CDK11A: variants seen among roughly 807,000 people sequenced by gnomAD.
CDK11A encodes cyclin-dependent kinase 11A.
CDK11A carries 55 observed loss-of-function variants against 83.6 expected under a neutral mutation model. That is an observed-to-expected ratio of 0.66 (90% CI 0.53 to 0.82). The LOEUF is 0.82. Among genes scored for constraint, CDK11A ranks in the 40% least tolerant of loss-of-function variants. CDK11A has a pLI of 0.00. For missense variants in CDK11A, 564 were observed against 810.1 expected, an observed-to-expected ratio of 0.70 and a Z score of 3.69; for synonymous variants, 247 against 302.7, an observed-to-expected ratio of 0.82 and a Z score of 1.91.
In CDK11A at chr1:1,716,919, CTTT is replaced by C. The variant is rs758439009; in HGVS notation, c.356-444_356-442del. On this transcript the variant is annotated intron_variant, in intron 4 of 19. Transcript: ENST00000404249. Reference sequence around the variant, plus strand: ...AATAATGATGTTAAGTAATCCTAATCTTTTTTTTTTTTTTTTTGAAGAGACAGG... The same window carrying C: ...AATAATGATGTTAAGTAATCCTAATCTTTTTTTTTTTTTTGAAGAGACAGG... Among the ~76,000 whole-genome samples the C allele has an allele frequency of 6.8e-3, 804 of 117,680 alleles. 45 individuals are homozygous for C. The highest frequency in any genetic ancestry group is 0.023 in the Middle Eastern group (5 of 214). The allele number at this position is 117,680 out of a possible 152,430, so 77.2% of individuals were successfully genotyped here.
Position 1,719,090 on chromosome 1 carries a change from G to T in CDK11A, c.355+238C>A, listed in dbSNP as rs78493985. The T allele has an allele frequency of 1.3e-4, 35 of 273,652 alleles. 2 individuals carry two copies. Among genetic ancestry groups the T allele is most frequent in the Non-Finnish European group, 2.3e-4 (34 of 145,780 alleles). 17.0% of individuals were successfully genotyped at this position (273,652 alleles called of 1,614,324 possible). On this transcript the variant is annotated intron_variant, in intron 4 of 19. Transcript: ENST00000404249. ...CTCTCTCTGGTTTTCGGTCTGTGACGCACACATGCTTTCAGCTAGAGTTTG... is the reference window on the plus strand; with the variant it reads ...CTCTCTCTGGTTTTCGGTCTGTGACTCACACATGCTTTCAGCTAGAGTTTG...
chr1:1,707,392 C>A lies in CDK11A; in HGVS notation c.1245+17G>T. On this transcript the variant is annotated intron_variant, in intron 11 of 19. Coordinates refer to ENST00000404249, the MANE Select transcript of CDK11A (RefSeq NM_024011.4). Reference sequence around the variant, plus strand: ...TGCCAATGCGGACAGCGGCCCGGGGCGAGGGGAGGGCCTGACCTGCAGGGC... The same window carrying A: ...TGCCAATGCGGACAGCGGCCCGGGGAGAGGGGAGGGCCTGACCTGCAGGGC... The A allele has an allele frequency of 6.2e-7, 1 of 1,605,080 alleles. No homozygotes were observed. The highest frequency in any genetic ancestry group is 1.7e-5 in the Admixed American group (1 of 59,480).
chr1:1,718,785 C>T (rs1327729517), intron 4 of CDK11A, among the ~76,000 whole-genome samples: 3 of 150,714 alleles, frequency 2.0e-5, no homozygotes, highest in East Asian at 3.9e-4. Context: ...TACAGGTGCC[C>T]GCCACCACGC....
Position 1,721,648 on chromosome 1 carries a change from C to T in CDK11A, c.175G>A (p.Glu59Lys). The T allele has an allele frequency of 6.2e-7, 1 of 1,605,474 alleles. No homozygotes were observed. Among genetic ancestry groups the T allele is most frequent in the South Asian group, 1.1e-5 (1 of 90,670 alleles). The change falls in exon 3 of 20, where the codon GAG (glutamate) becomes AAG (lysine). Residue 59 changes from glutamate (E) to lysine (K), a missense_variant. By Grantham distance (56) the Glu-to-Lys change is moderately conservative. This residue lies in a region of CDK11A where 151 missense variants were observed against 147.4 expected (regional missense o/e 1.02). Transcript: ENST00000404249. ...TACGGGGAGTTCCTTATTGTGATCT[C>T]CATGCAGTGATCTCTCAGCTCCCCC... ...EEGELRDHCM[E>K]ITIRNSPYRR...
rs770832144 is a variant in CDK11A, at chr1:1,719,328, C to T, written c.355G>A (p.Gly119Arg). ...TCAAAGAAAGTAAATGCTTCTGTAC[C>T]CCCTTCTGCTGAATGGCTATGATGC... ...CRHHSHSAEG[G>R]KHARVKEREH... Residue 119 changes from glycine (G) to arginine (R), a missense_variant and splice_region_variant, in exon 4 of 20, where the codon GGG becomes AGG. Physicochemically the swap from Gly to Arg is moderately radical, Grantham distance 125. This residue lies in a region of CDK11A where 151 missense variants were observed against 147.4 expected (regional missense o/e 1.02). Coordinates refer to ENST00000404249, the MANE Select transcript of CDK11A (RefSeq NM_024011.4). 1 of 1,512,248 alleles carries T rather than the reference C, an allele frequency of 6.6e-7. No individual in the cohort carries two copies. The highest frequency in any genetic ancestry group is 2.6e-5 in the East Asian group (1 of 39,002). 93.7% of individuals were successfully genotyped at this position (1,512,248 alleles called of 1,614,324 possible). A position where few individuals can be genotyped will look rare whatever the true frequency, so the allele number is the denominator to read the frequency against.
rs770396353 is a variant in CDK11A, at chr1:1,708,258, G to A, written c.1004-13C>T. The A allele has an allele frequency of 1.5e-4, 225 of 1,511,080 alleles. 1 individual carries two copies. The highest frequency in any genetic ancestry group is 1.8e-4 in the Middle Eastern group (1 of 5,628). The allele number at this position is 1,511,080 out of a possible 1,614,324, so 93.6% of individuals were successfully genotyped here. ...TCACTTACTTCTTCTGCAAGAGAAA[G>A]GAGGCGTCTGCTCAGACCAGCACCG... On this transcript the variant is annotated splice_polypyrimidine_tract_variant and intron_variant, in intron 9 of 19. Transcript: ENST00000404249.
chr1:1,723,141 G>A (rs555416272), intron 1 of CDK11A, among the ~76,000 whole-genome samples: 2 of 32,620 alleles, frequency 6.1e-5, no homozygotes, highest in East Asian at 1.5e-3. Flanking sequence ...GGCTGCTAGA[G>A]GCAGGAGGAT....
At chr1:1,706,680 G>A (rs147947568) in intron 11 of CDK11A, among the ~76,000 whole-genome samples, 4 of 151,342 alleles carry the variant, frequency 2.6e-5, no homozygotes, top group Non-Finnish European at 5.9e-5. Context: ...CCTACCCCTC[G>A]GTGTACCTTG....
At position 1,704,540 on chromosome 1, in the gene CDK11A, G is replaced by A. The variant is rs1534951; in HGVS notation, c.1564+10C>T. On this transcript the variant is annotated intron_variant, in intron 14 of 19. Coordinates refer to ENST00000404249, the MANE Select transcript of CDK11A (RefSeq NM_024011.4). ...TTGTACGCAGACAGGACCCCGGGGC[G>A]CGGCTGTACCTGGCAGGAAGGGCTG... 2.7e-5 allele frequency: 43 copies of A among 1,602,700 alleles called. 3 individuals carry two copies. The Middle Eastern group carries it at 2.0e-3, about 74-fold the overall frequency.
intron 4 of CDK11A, among the ~76,000 whole-genome samples, chr1:1,716,809 C>A (rs1644672654): frequency 3.5e-5 from 2 of 56,786 alleles, no homozygotes; most frequent in Admixed American, 6.2e-4. Flanking sequence ...AGTGAGACTC[C>A]ATCTCAAAAA....
At chr1:1,721,562 C>A (rs750404819) in intron 3 of CDK11A, 34 bp downstream of exon 3, 4 of 1,594,458 alleles carry the variant, frequency 2.5e-6, no homozygotes, top group East Asian at 4.5e-5. Context: ...GGGCTGTGTA[C>A]AGTTGGGTCT....
At chr1:1,717,808 C>T (rs1247989776) in intron 4 of CDK11A, among the ~76,000 whole-genome samples, 1 of 150,310 alleles carries the variant, frequency 6.7e-6, no homozygotes, top group Non-Finnish European at 1.5e-5. Context: ...GTCTGTGACA[C>T]ACGCACGCTT....
Position 1,716,446 on chromosome 1 carries a change from C to G in CDK11A, c.388G>C (p.Glu130Gln), listed in dbSNP as rs1336369850. 6.2e-7 allele frequency: 1 copy of G among 1,608,706 alleles called. No individual in the cohort carries two copies. Among genetic ancestry groups the G allele is most frequent in the Non-Finnish European group, 8.5e-7 (1 of 1,176,300 alleles). ...TCTTCTCGATGTCGTTTCCGACGTT[C>G]GTGCTCTCTTTCTTTCACTCTAGCA... ...KHARVKEREH[E>Q]RRKRHREEQD... The change falls in exon 5 of 20, where the codon GAA becomes CAA. Residue 130 changes from glutamate (E) to glutamine (Q), a missense_variant. Glu to Gln is a conservative substitution (Grantham distance 29). Coordinates refer to ENST00000404249, the MANE Select transcript of CDK11A (RefSeq NM_024011.4).
At chr1:1,704,737 G>A (rs1211799597) in intron 13 of CDK11A, 82 bp from the exon 14 acceptor site, 2 of 1,601,094 alleles carry the variant, frequency 1.2e-6, no homozygotes, top group African/African-American at 1.3e-5. Flanking sequence ...CTGAGGGACA[G>A]TAAGGACCTC....
At chr1:1,722,380 T>A (rs1644938838) in intron 2 of CDK11A, 1 of 391,626 alleles carries the variant, frequency 2.6e-6, no homozygotes, top group Non-Finnish European at 5.0e-6. Context: ...TTATATTAAT[T>A]TCAAGGCAAG....
At position 1,708,430 on chromosome 1, in the gene CDK11A, C is replaced by T. The variant is rs144107833; in HGVS notation, c.1004-185G>A. On this transcript the variant is annotated intron_variant, in intron 9 of 19. Coordinates refer to ENST00000404249, the MANE Select transcript of CDK11A (RefSeq NM_024011.4). ...CCGAGGCGGGTGGATCACCTGAGGT[C>T]AGGAGTTCGAGACCATCCTGGCCAA... Among the ~76,000 whole-genome samples, 1,484 of 148,582 alleles carry T rather than the reference C, an allele frequency of 1.0e-2. 2 individuals are homozygous for T. The highest frequency in any genetic ancestry group is 0.014 in the Non-Finnish European group (920 of 66,864).
At chr1:1,716,321 T>A (rs775907923) in intron 5 of CDK11A, 25 bp downstream of exon 5, 9 of 1,605,716 alleles carry the variant, frequency 5.6e-6, no homozygotes. Context: ...TTTCATAAAG[T>A]CCTCAACTGA....
chr1:1,704,513 A>G (rs746367062), intron 14 of CDK11A, 37 bp downstream of exon 14: 1 of 1,592,364 alleles, frequency 6.3e-7, no homozygotes, highest in Non-Finnish European at 8.6e-7. Flanking sequence ...CACTGCCCCC[A>G]CTTGTACGCA....
At chr1:1,716,895 A>G (rs1382375312) in intron 4 of CDK11A, among the ~76,000 whole-genome samples, 2 of 2,408 alleles carry the variant, frequency 8.3e-4, no homozygotes, top group African/African-American at 6.1e-3. Flanking sequence ...AAATATTTAA[A>G]TAATGATGTT....
Sources: allele counts gnomAD v4.1 joint callset (sites outside exome capture counted in the v4.1 genomes callset), GRCh38; gene constraint gnomAD v4.1.1; regional missense constraint gnomAD v4.1.1; transcripts MANE v1.5; gene names NCBI Gene and HGNC (gene_info 2026-07-23, HGNC 2026-07-21).